The following RANBP17 variants were observed in gnomAD, a reference collection of about 807,000 sequenced individuals.
RANBP17 encodes the protein RAN binding protein 17.
A neutral mutation model predicts 141.2 loss-of-function variants in RANBP17; 158 were observed. That is an observed-to-expected ratio of 1.12 (90% CI 0.98 to 1.28). The LOEUF (loss-of-function observed/expected upper bound fraction) is 1.28. Ranked by LOEUF, RANBP17 falls within the 50% of genes most tolerant of loss-of-function variation. The pLI is 0.00. For synonymous variants in RANBP17, 430 were observed against 450.0 expected (o/e 0.96, Z 0.56); for missense variants, 1,438 against 1,290.7 (o/e 1.11, Z -1.75).
At chr5:171,020,261 G>A (rs1420355846) in intron 14 of RANBP17, among the ~76,000 whole-genome samples, 1 of 152,178 alleles carries the variant, frequency 6.6e-6, no homozygotes, top group Non-Finnish European at 1.5e-5. Context: ...GGGGTGGAGA[G>A]TTCTGTGGAT....
At chr5:170,979,864 G>A (rs1777638571) in intron 14 of RANBP17, among the ~76,000 whole-genome samples, 1 of 152,200 alleles carries the variant, frequency 6.6e-6, no homozygotes, top group African/African-American at 2.4e-5. Flanking sequence ...AGCAGAAAAT[G>A]TGGAAGCAAC....
At chr5:171,208,350 A>G (rs1397088534) in intron 20 of RANBP17, among the ~76,000 whole-genome samples, 1 of 152,220 alleles carries the variant, frequency 6.6e-6, no homozygotes, top group Non-Finnish European at 1.5e-5. Flanking sequence ...ATCTTGATAA[A>G]TGGTTTCCAG....
chr5:170,938,223 G>T (rs1235412396), intron 12 of RANBP17, among the ~76,000 whole-genome samples: 1 of 152,168 alleles, frequency 6.6e-6, no homozygotes, highest in Non-Finnish European at 1.5e-5. Context: ...TAGCAAGATA[G>T]GTGTACCAAC....
At chr5:171,104,582 A>G (rs1468827981) in intron 14 of RANBP17, among the ~76,000 whole-genome samples, 1 of 152,152 alleles carries the variant, frequency 6.6e-6, no homozygotes, top group Non-Finnish European at 1.5e-5. Flanking sequence ...TGTTAGGAGC[A>G]TTATCTTTGC....
intron 25 of RANBP17, among the ~76,000 whole-genome samples, chr5:171,290,230 G>A (rs1276060562): frequency 2.6e-5 from 4 of 151,970 alleles, no homozygotes; most frequent in East Asian, 1.9e-4. Context: ...TTAGCCGGGC[G>A]TGGTGGCACG....
chr5:170,989,194 C>T (rs4867644), intron 14 of RANBP17, among the ~76,000 whole-genome samples: 101,637 of 151,574 alleles, frequency 0.67, 34,356 homozygotes, highest in South Asian at 0.89. Flanking sequence ...TTATAATTGA[C>T]TTAAGTATCT....
At chr5:171,061,690 A>C (rs1437922935) in intron 14 of RANBP17, among the ~76,000 whole-genome samples, 1 of 152,210 alleles carries the variant, frequency 6.6e-6, no homozygotes. Flanking sequence ...CGCTTGGTGC[A>C]GAGCTCAGTT....
intron 14 of RANBP17, among the ~76,000 whole-genome samples, chr5:171,167,981 T>C (rs1159903329): frequency 6.6e-6 from 1 of 152,208 alleles, no homozygotes; most frequent in African/African-American, 2.4e-5. Context: ...GTGTAAAAAC[T>C]ATTCACATTA....
At chr5:171,149,100 C>A (rs1478628229) in intron 14 of RANBP17, among the ~76,000 whole-genome samples, 1 of 152,220 alleles carries the variant, frequency 6.6e-6, no homozygotes, top group Non-Finnish European at 1.5e-5. Context: ...TCTAACTTTA[C>A]CTACTGTCTT....
chr5:170,992,578 T>C (rs941499828), intron 14 of RANBP17, among the ~76,000 whole-genome samples: 1 of 152,024 alleles, frequency 6.6e-6, no homozygotes, highest in African/African-American at 2.4e-5. Context: ...CTATAAAGCA[T>C]TGTGCATATC....
chr5:171,119,882 A>G (rs1755895947), intron 14 of RANBP17, among the ~76,000 whole-genome samples: 1 of 152,022 alleles, frequency 6.6e-6, no homozygotes, highest in South Asian at 2.1e-4. Flanking sequence ...TCTACTAAAA[A>G]TACAAAATTA....
At chr5:171,045,985 C>G (rs1782555324) in intron 14 of RANBP17, among the ~76,000 whole-genome samples, 1 of 152,134 alleles carries the variant, frequency 6.6e-6, no homozygotes, top group African/African-American at 2.4e-5. Flanking sequence ...CCTTTTAAAA[C>G]TGGTTTCTTT....
intron 14 of RANBP17, among the ~76,000 whole-genome samples, chr5:171,154,525 C>A (rs1009805526): frequency 6.6e-6 from 1 of 152,170 alleles, no homozygotes; most frequent in African/African-American, 2.4e-5. Flanking sequence ...AATGATCTGC[C>A]CACCTTGGCC....
intron 14 of RANBP17, among the ~76,000 whole-genome samples, chr5:171,107,028 GT>G (rs145791629): frequency 1.3e-5 from 1 of 78,314 alleles, no homozygotes; most frequent in Non-Finnish European, 3.2e-5. Flanking sequence ...TCTTTTGTTT[GT>G]TTGTTGTTGT....
chr5:171,059,028 A>G (rs1353888064), intron 14 of RANBP17, among the ~76,000 whole-genome samples: 1 of 150,020 alleles, frequency 6.7e-6, no homozygotes, highest in South Asian at 2.1e-4. Context: ...TTTTCTTGTA[A>G]ATTTGTTTGA....
At chr5:170,891,451 T>G (rs1164323745) in intron 3 of RANBP17, among the ~76,000 whole-genome samples, 1 of 152,196 alleles carries the variant, frequency 6.6e-6, no homozygotes, top group South Asian at 2.1e-4. Context: ...ATGTTTGAGG[T>G]ATATGCGTTT....
chr5:170,934,182 C>G (rs1773658601), intron 12 of RANBP17, among the ~76,000 whole-genome samples: 1 of 152,148 alleles, frequency 6.6e-6, no homozygotes, highest in Non-Finnish European at 1.5e-5. Flanking sequence ...CCTTCTTTGT[C>G]TCTTTTGATC....
intron 5 of RANBP17, chr5:170,903,822 A>G (rs1037487498): frequency 9.2e-6 from 4 of 435,546 alleles, no homozygotes; most frequent in Non-Finnish European, 1.8e-5. Flanking sequence ...AGTCAACAAC[A>G]TTGTGGCAAA....
At chr5:171,294,839 G>A (rs1179631821) in intron 26 of RANBP17, among the ~76,000 whole-genome samples, 2 of 152,174 alleles carry the variant, frequency 1.3e-5, no homozygotes, top group African/African-American at 2.4e-5. Context: ...TCAGTGTTTA[G>A]AAAAAGCTTA....
Sources: gnomAD v4.1 joint callset for allele counts (sites outside exome capture counted in the v4.1 genomes callset) on GRCh38, gnomAD v4.1.1 for gene constraint, MANE v1.5 for transcripts, NCBI Gene and HGNC (gene_info 2026-07-23, HGNC 2026-07-21) for gene names.